Variants in RNF180 observed in about 807,000 individuals in gnomAD.
The protein encoded by RNF180 is ring finger protein 180, also known as E3 ubiquitin-protein ligase RNF180.
In RNF180, 38 loss-of-function variants were observed where a neutral mutation model predicts 59.2. That is an observed-to-expected ratio of 0.64 (90% CI 0.50 to 0.84). The LOEUF (loss-of-function observed/expected upper bound fraction) is 0.84. RNF180 is among the 40% of genes least tolerant of loss of function. The pLI, the probability that RNF180 is intolerant of heterozygous loss-of-function variation, is 0.00. For missense variants in RNF180, 705 were observed against 700.9 expected, an observed-to-expected ratio of 1.01 and a Z score of -0.07; for synonymous variants, 262 against 240.3, an observed-to-expected ratio of 1.09 and a Z score of -0.84.
chr5:64,175,225 C>T (rs1750170060), intron 1 of RNF180, among the ~76,000 whole-genome samples: 1 of 152,120 alleles, frequency 6.6e-6, no homozygotes, highest in Non-Finnish European at 1.5e-5. Context: ...CCTCGGACTC[C>T]CAAAGAGCTG....
At chr5:64,366,629 A>G (rs116238034) in intron 7 of RNF180, among the ~76,000 whole-genome samples, 1 of 151,564 alleles carries the variant, frequency 6.6e-6, no homozygotes, top group East Asian at 1.9e-4. Flanking sequence ...AAAGCAGAAG[A>G]AAAAATGTCA....
chr5:64,371,194 T>C lies in RNF180; in HGVS notation c.*1380T>C, dbSNP rs570479754. 2.0e-5 allele frequency: 3 copies of C among 151,594 alleles called. No homozygotes were observed. Among genetic ancestry groups the C allele is most frequent in the Non-Finnish European group, 4.4e-5 (3 of 67,694 alleles). The allele number at this position is 151,594 out of a possible 1,614,324, so 9.4% of individuals were successfully genotyped here. ...TTTAAATTATATCTATTACAGAAAA[T>C]AGTATACACTAGACATCAAATCCAG... On this transcript the variant is annotated 3_prime_UTR_variant, in exon 8 of 8. Transcript: ENST00000389100.
chr5:64,234,601 T>C (rs1357037375), intron 5 of RNF180, among the ~76,000 whole-genome samples: 4 of 89,872 alleles, frequency 4.5e-5, no homozygotes, highest in African/African-American at 1.8e-4. Context: ...TTTTTTTTTT[T>C]TTTTTTTTTT....
In RNF180 at chr5:64,309,822, AT is replaced by A. The variant is rs1743670776; in HGVS notation, c.1228-15362del. Among the ~76,000 whole-genome samples the A allele has an allele frequency of 2.0e-5, 3 of 151,798 alleles. No homozygotes were observed. In the South Asian group the frequency reaches 6.2e-4, roughly 31 times the overall value. ...TATATTTTAAAAAATCATTCAGTTT[AT>A]TCTTTACCAACTCTTAGCAGTGTCA... On this transcript the variant is annotated intron_variant, in intron 5 of 7. Transcript: ENST00000389100.
chr5:64,293,649 A>T (rs1340301190), intron 5 of RNF180, among the ~76,000 whole-genome samples: 1 of 151,800 alleles, frequency 6.6e-6, no homozygotes, highest in African/African-American at 2.4e-5. Flanking sequence ...TTAAATTAAA[A>T]ATATATATTA....
chr5:64,238,511 G>A (rs1302639476), intron 5 of RNF180, among the ~76,000 whole-genome samples: 1 of 151,912 alleles, frequency 6.6e-6, no homozygotes, highest in African/African-American at 2.4e-5. Context: ...TTGTCTTTTG[G>A]TTTCTTTTGG....
In RNF180 at chr5:64,179,827, T is replaced by C. The variant is rs145268393; in HGVS notation, c.-1+13874T>C. 8.5e-4 allele frequency among the ~76,000 whole-genome samples: 129 copies of C among 152,336 alleles called. 1 individual carries two copies. Among genetic ancestry groups the C allele is most frequent in the African/African-American group, 3.0e-3 (124 of 41,600 alleles). ...GACATTATCAAATTGCTTTCCAAAA[T>C]GATTGTGCCTAGTTATACCTCCCCG... is the stretch of plus-strand genomic sequence containing the variant. On this transcript the variant is annotated intron_variant, in intron 1 of 7. Transcript: ENST00000389100.
chr5:64,188,463 A>C (rs887622325), intron 1 of RNF180, among the ~76,000 whole-genome samples: 1 of 152,192 alleles, frequency 6.6e-6, no homozygotes, highest in Non-Finnish European at 1.5e-5. Context: ...AGTTTAAAAA[A>C]AATTTGGAAA....
intron 7 of RNF180, among the ~76,000 whole-genome samples, chr5:64,338,045 G>T (rs1299777221): frequency 6.6e-6 from 1 of 152,016 alleles, no homozygotes; most frequent in African/African-American, 2.4e-5. Flanking sequence ...TGGGTCAAAT[G>T]GTATTTCTAG....
At chr5:64,251,896 C>T (rs77481382) in intron 5 of RNF180, among the ~76,000 whole-genome samples, 1 of 152,080 alleles carries the variant, frequency 6.6e-6, no homozygotes. Flanking sequence ...GGTGAAAGAT[C>T]TGCACACTGA....
chr5:64,369,953 T>C lies in RNF180; in HGVS notation c.*139T>C. ...ATGTTTATAGAAAGCCTGAGAATAA[T>C]GAATTTATTTATTAATGTTTTTCAT... is the stretch of plus-strand genomic sequence containing the variant. On this transcript the variant is annotated 3_prime_UTR_variant, in exon 8 of 8. Transcript: ENST00000389100. 4 of 521,338 alleles carry C rather than the reference T, an allele frequency of 7.7e-6. No homozygotes were observed. The allele number at this position is 521,338 out of a possible 1,614,324, so 32.3% of individuals were successfully genotyped here.
At position 64,330,297 on chromosome 5, in the gene RNF180, A is replaced by C. The variant is rs558895514; in HGVS notation, c.1470A>C (p.Thr490=). The change falls in exon 7 of 8, where the codon ACA becomes ACC. Residue 490 remains threonine (T), a synonymous_variant. Transcript: ENST00000389100. ...TTATTCTAGAATTGAACAATGCCAC[A>C]AAAACTTTCTTTACTAAAGAATATT... ...VFFQTELNNA[T]KTFFTKEYLK... 4 of 1,494,592 alleles carry C rather than the reference A, an allele frequency of 2.7e-6. No homozygotes were observed. The highest frequency in any genetic ancestry group is 3.6e-6 in the Non-Finnish European group (4 of 1,105,698). 92.6% of individuals were successfully genotyped at this position (1,494,592 alleles called of 1,614,324 possible). A position where few individuals can be genotyped will look rare whatever the true frequency, so the allele number is the denominator to read the frequency against.
At chr5:64,248,551 A>G (rs1043203534) in intron 5 of RNF180, among the ~76,000 whole-genome samples, 8 of 152,214 alleles carry the variant, frequency 5.3e-5, no homozygotes, top group African/African-American at 1.7e-4. Flanking sequence ...CAAAACCACA[A>G]TGAGGTACCA....
chr5:64,232,247 CTT>C (rs1215624697), intron 5 of RNF180, among the ~76,000 whole-genome samples: 1 of 152,148 alleles, frequency 6.6e-6, no homozygotes, highest in Admixed American at 6.5e-5. Flanking sequence ...GGATTGGTTT[CTT>C]TATGCCTTAA....
intron 6 of RNF180, among the ~76,000 whole-genome samples, chr5:64,326,812 T>G (rs989002328): frequency 1.3e-5 from 2 of 152,150 alleles, no homozygotes; most frequent in African/African-American, 4.8e-5. Flanking sequence ...CAGAGTTATG[T>G]TGGCCTTGTA....
In RNF180 at chr5:64,214,235, G is replaced by T. The variant is rs145948033; in HGVS notation, c.909G>T (p.Gln303His). 6.2e-7 allele frequency: 1 copy of T among 1,614,004 alleles called. No homozygotes were observed. Among genetic ancestry groups the T allele is most frequent in the Non-Finnish European group, 8.5e-7 (1 of 1,179,982 alleles). Residue 303 changes from glutamine (Q) to histidine (H), a missense_variant, in exon 4 of 8, where the codon CAG (glutamine) becomes CAT (histidine). By Grantham distance (24) the Gln-to-His change is conservative. Transcript: ENST00000389100. ...TTTCAGTGGCCCCCCATGAGACCCA[G>T]ACACAAAGAGGAGGAGAATTTCAGT... is the stretch of plus-strand genomic sequence containing the variant. The part of the protein sequence containing the change: ...QRFSVAPHET[Q>H]TQRGGEFQCG...
At chr5:64,305,957 A>G (rs991507338) in intron 5 of RNF180, among the ~76,000 whole-genome samples, 2 of 151,500 alleles carry the variant, frequency 1.3e-5, no homozygotes, top group East Asian at 3.9e-4. Context: ...AATTGCTTCC[A>G]CTCACGTTCC....
At chr5:64,332,386 CAG>C (rs1163242728) in intron 7 of RNF180, among the ~76,000 whole-genome samples, 2 of 152,148 alleles carry the variant, frequency 1.3e-5, no homozygotes, top group South Asian at 2.1e-4. Context: ...TAGAAAGTAA[CAG>C]AGCCTTGGTG....
At chr5:64,176,630 A>C (rs1223151622) in intron 1 of RNF180, among the ~76,000 whole-genome samples, 1 of 152,262 alleles carries the variant, frequency 6.6e-6, no homozygotes, top group Non-Finnish European at 1.5e-5. Flanking sequence ...AATCTTGATA[A>C]ATTTTTCCAT....
Sources: allele counts gnomAD v4.1 joint callset (sites outside exome capture counted in the v4.1 genomes callset), GRCh38; gene constraint gnomAD v4.1.1; transcripts MANE v1.5; gene names NCBI Gene and HGNC (gene_info 2026-07-23, HGNC 2026-07-21).